KRT8: variants seen among roughly 807,000 people sequenced by gnomAD.
KRT8 encodes keratin 8.
Under a neutral mutation model 43.0 loss-of-function variants are expected in KRT8, and 24 were observed. That is an observed-to-expected ratio of 0.56 (90% CI 0.40 to 0.78). KRT8 has a LOEUF of 0.78. KRT8 is among the 30% of genes least tolerant of loss of function. KRT8 has a pLI of 0.00. For synonymous variants in KRT8, 214 were observed against 261.2 expected (o/e 0.82, Z 1.74); for missense variants, 492 against 638.4 (o/e 0.77, Z 2.47).
chr12:52,900,131 C>T, intron 4 of KRT8, 66 bp from the exon 5 acceptor site: 3 of 1,544,096 alleles, frequency 1.9e-6, no homozygotes, highest in Non-Finnish European at 8.9e-7. Flanking sequence ...TTTTCCACAA[C>T]AGCCTTTCTT....
upstream of KRT8, among the ~76,000 whole-genome samples, chr12:52,910,275 G>A (rs916207803): frequency 2.0e-5 from 3 of 152,140 alleles, no homozygotes; most frequent in Non-Finnish European, 2.9e-5. Context: ...GTCGCACCCC[G>A]TCTGCATTTT....
chr12:52,928,370 C>T (rs1942028924), intron 2 of KRT8, among the ~76,000 whole-genome samples: 1 of 152,138 alleles, frequency 6.6e-6, no homozygotes, highest in Non-Finnish European at 1.5e-5. Context: ...TTAACAATGC[C>T]CCTACCATTA....
exon 1 of KRT8, chr12:52,905,066 C>T (rs1012859144): frequency 1.3e-6 from 2 of 1,517,662 alleles, no homozygotes; most frequent in East Asian, 2.4e-5. Flanking sequence ...GTGAGGAGAG[C>T]TCTCAGGAAT....
intron 2 of KRT8, among the ~76,000 whole-genome samples, chr12:52,916,496 G>T (rs1006762830): frequency 2.0e-5 from 3 of 152,178 alleles, no homozygotes; most frequent in Non-Finnish European, 2.9e-5. Flanking sequence ...TTACCATCGT[G>T]TCATCCAATC....
chr12:52,917,534 C>G (rs997692502), intron 2 of KRT8, among the ~76,000 whole-genome samples: 1 of 150,996 alleles, frequency 6.6e-6, no homozygotes, highest in African/African-American at 2.4e-5. Context: ...ATGGTGAAAC[C>G]CTGTCTCTAC....
chr12:52,942,641 G>A (rs935904102), intron 2 of KRT8, among the ~76,000 whole-genome samples: 19 of 152,028 alleles, frequency 1.2e-4, no homozygotes, highest in Non-Finnish European at 2.8e-4. Context: ...AGCCCTTTCA[G>A]CCATGTTTTA....
intron 2 of KRT8, among the ~76,000 whole-genome samples, chr12:52,918,062 GGA>G (rs1361042941): frequency 4.9e-5 from 7 of 141,626 alleles, no homozygotes; most frequent in East Asian, 2.1e-4. Context: ...GGAAGAAGAA[GGA>G]GAAGAAGAAG....
intron 2 of KRT8, among the ~76,000 whole-genome samples, chr12:52,938,170 A>ATATATATATTTTTT (rs1555189967): frequency 1.6e-4 from 5 of 30,318 alleles, no homozygotes; most frequent in Non-Finnish European, 2.4e-4. Context: ...ATATATATAT[A>ATATATATATTTTTT]TTTTTTTTTT....
rs57422427 is a variant in KRT8 at position 52,898,859 on chromosome 12, C to T, written c.1022G>A (p.Arg341His). 50,187 of 1,613,846 alleles carry T rather than the reference C, an allele frequency of 0.031. 1,030 individuals carry two copies. The highest frequency in any genetic ancestry group is 0.082 in the Admixed American group (4,907 of 60,008). ...GGCATCCTTAATGGCCAGCTCTCCA[C>T]GCTGCTCGGCATCTGCAATGGCGGC... The change falls in exon 6 of 8, where the codon CGT becomes CAT. Residue 341 changes from arginine to histidine, a missense_variant. By Grantham distance (29) the Arg-to-His change is conservative. This residue lies in a region of KRT8 where 389 missense variants were observed against 485.7 expected (regional missense o/e 0.80). Coordinates refer to ENST00000692008, the Ensembl canonical transcript of KRT8.
rs1452513338 is a variant in KRT8 at position 52,898,372 on chromosome 12, G to A, written c.1261+89C>T. 8 of 1,126,032 alleles carry A rather than the reference G, an allele frequency of 7.1e-6. No individual in the cohort carries two copies. In the African/African-American group the frequency reaches 1.1e-4, roughly 15 times the overall value. 69.8% of individuals were successfully genotyped at this position (1,126,032 alleles called of 1,614,324 possible). ...CATGAGTGCTCAGGCTGAGGTCACT[G>A]TGAGCGACTGAGCACAGCCCCCTCC... is the stretch of plus-strand genomic sequence containing the variant. On this transcript the variant is annotated intron_variant, in intron 7 of 7. Coordinates refer to ENST00000692008, the Ensembl canonical transcript of KRT8.
intron 2 of KRT8, among the ~76,000 whole-genome samples, chr12:52,916,221 G>A (rs1018243245): frequency 6.6e-6 from 1 of 152,108 alleles, no homozygotes; most frequent in Admixed American, 6.6e-5. Context: ...AGCTGGCTGG[G>A]GTGTTCAGGA....
At chr12:52,910,951 G>C (rs17690698), upstream of KRT8, among the ~76,000 whole-genome samples, 3,520 of 152,280 alleles carry the variant, frequency 0.023, 71 homozygotes, top group Admixed American at 0.051. Flanking sequence ...TTATCAGGCA[G>C]TAGTCTAAAA....
intron 2 of KRT8, among the ~76,000 whole-genome samples, chr12:52,920,231 T>C (rs1019705986): frequency 2.6e-5 from 4 of 152,220 alleles, no homozygotes; most frequent in African/African-American, 4.8e-5. Context: ...ATTACATTTA[T>C]TTATTGAGCA....
At chr12:52,946,351 G>A (rs116872106) in intron 2 of KRT8, among the ~76,000 whole-genome samples, 3,902 of 152,206 alleles carry the variant, frequency 0.026, 66 homozygotes, top group Admixed American at 0.042. Context: ...CTGCCCTCCT[G>A]TATATATTGA....
At position 52,935,564 on chromosome 12, in the gene KRT8, G is replaced by A. The variant is rs574520967; in HGVS notation, c.-47+13892C>T. ...AAAAAAGGAAAAGAAAAAGAAAAAG[G>A]AAAACCGTTCGTGACCTTGAGTTAG... On this transcript the variant is annotated intron_variant, in intron 2 of 6. Transcript: ENST00000546826. Among the ~76,000 whole-genome samples the A allele has an allele frequency of 7.4e-5, 11 of 147,748 alleles. 1 individual carries two copies. In the East Asian group the frequency reaches 7.9e-4, roughly 11 times the overall value.
intron 2 of KRT8, among the ~76,000 whole-genome samples, chr12:52,918,129 AGGAGGG>A (rs1300038640): frequency 1.4e-5 from 2 of 146,118 alleles, no homozygotes; most frequent in South Asian, 4.7e-4. Flanking sequence ...AGGAAGAAGA[AGGAGGG>A]GGAGAGGGAG....
intron 2 of KRT8, among the ~76,000 whole-genome samples, chr12:52,921,725 G>C (rs1047313579): frequency 1.3e-5 from 2 of 152,028 alleles, no homozygotes; most frequent in Non-Finnish European, 2.9e-5. Flanking sequence ...AGCTGTGGCC[G>C]GATCTCCCAG....
chr12:52,900,798 T>G (rs1056880997), intron 3 of KRT8, 115 bp from the exon 4 acceptor site: 2 of 738,240 alleles, frequency 2.7e-6, no homozygotes, highest in African/African-American at 1.7e-5. Context: ...GCCCACTTTG[T>G]GGATTGATCT....
chr12:52,926,557 G>C (rs1012741881), intron 2 of KRT8: 1 of 1,113,082 alleles, frequency 9.0e-7, no homozygotes, highest in Non-Finnish European at 1.3e-6. Flanking sequence ...CCCAAGAATA[G>C]GGCTTTGTTA....
Sources: gnomAD v4.1 joint callset for allele counts (sites outside exome capture counted in the v4.1 genomes callset) on GRCh38, gnomAD v4.1.1 for gene constraint, gnomAD v4.1.1 regional missense constraint, MANE v1.5 for transcripts, NCBI Gene and HGNC (gene_info 2026-07-23, HGNC 2026-07-21) for gene names.